The following RITA1 variants were observed in gnomAD, a reference collection of about 807,000 sequenced individuals.
The protein encoded by RITA1 is RBPJ-interacting and tubulin-associated protein 1.
In RITA1, 15 loss-of-function variants were observed where a neutral mutation model predicts 8.7. The observed-to-expected ratio is 1.72, with a 90% CI of 1.15 to 2.65. The LOEUF (loss-of-function observed/expected upper bound fraction) is 2.65, where lower values mean the gene tolerates loss of function less well. Ranked by LOEUF, RITA1 falls within the 30% of genes most tolerant of loss-of-function variation. RITA1 has a pLI of 0.00. For missense variants in RITA1, 330 were observed against 363.8 expected (o/e 0.91, Z 0.76); for synonymous variants, 145 against 156.2 (o/e 0.93, Z 0.53).
rs143269921 is a variant in RITA1 at position 113,186,791 on chromosome 12, C to T, written c.45C>T (p.Leu15=). The T allele has an allele frequency of 3.7e-5, 60 of 1,613,584 alleles. No homozygotes were observed. The highest frequency in any genetic ancestry group is 1.6e-4 in the East Asian group (7 of 44,894). Reference sequence around the variant, plus strand: ...TGGCCGTCAGTGGGATGCAGACCCTCGGCCTTCAGCACCGCTGCCGAGGTG... The same window carrying T: ...TGGCCGTCAGTGGGATGCAGACCCTTGGCCTTCAGCACCGCTGCCGAGGTG... ...VELAVSGMQT[L]GLQHRCRGGY... Residue 15 remains leucine (L), a synonymous_variant, in exon 3 of 4, where the codon CTC becomes CTT. Transcript: ENST00000548278.
intron 3 of RITA1, among the ~76,000 whole-genome samples, chr12:113,190,773 CAG>C (rs772219324): frequency 6.6e-6 from 1 of 152,348 alleles, no homozygotes; most frequent in South Asian, 2.1e-4. Flanking sequence ...GCTCCTGTAA[CAG>C]GGGCTCAAAC....
At chr12:113,189,732 T>TAAAAA (rs34117781) in intron 3 of RITA1, among the ~76,000 whole-genome samples, 1 of 76,894 alleles carries the variant, frequency 1.3e-5, no homozygotes, top group African/African-American at 5.0e-5. Context: ...ATCTGTTGAA[T>TAAAAA]AAAAAAAAAA....
intron 3 of RITA1, among the ~76,000 whole-genome samples, chr12:113,190,019 C>A (rs1952583063): frequency 6.9e-6 from 1 of 144,960 alleles, no homozygotes; most frequent in Admixed American, 7.0e-5. Flanking sequence ...CAGAGTGAGA[C>A]CCTGTCTCTT....
Position 113,191,586 on chromosome 12 carries a change from C to T in RITA1, c.579C>T (p.Pro193=), listed in dbSNP as rs1401282429. ...LSMGGLHSSR[P]LKRGLSHSLT... is the part of the protein sequence containing the mutation. ...TGGGTGGGTTACACTCTTCACGCCC[C>T]CTGAAGCGGGGACTTTCCCATTCCC... is the stretch of plus-strand genomic sequence containing the variant. Residue 193 remains proline (P), a synonymous_variant, in exon 4 of 4, where the codon CCC becomes CCT. Coordinates refer to ENST00000548278, the MANE Select transcript of RITA1 (RefSeq NM_032848.3). The surrounding 1 kb of genome is among the most constrained non-coding windows in gnomAD (Gnocchi z 4.0). 6.2e-7 allele frequency: 1 copy of T among 1,614,116 alleles called. No homozygotes were observed.
chr12:113,188,786 C>CTTTTTTT (rs1566105385), intron 3 of RITA1, among the ~76,000 whole-genome samples: 1 of 64,258 alleles, frequency 1.6e-5, no homozygotes. Context: ...GCCTTAGTTA[C>CTTTTTTT]CTTTTTTTTT....
intron 3 of RITA1, among the ~76,000 whole-genome samples, chr12:113,189,188 A>T (rs866147639): frequency 6.6e-6 from 1 of 152,126 alleles, no homozygotes; most frequent in African/African-American, 2.4e-5. Flanking sequence ...CAACATATGA[A>T]TTTGGGTGGG....
intron 3 of RITA1, chr12:113,187,277 C>T: frequency 2.1e-6 from 1 of 474,436 alleles, no homozygotes; most frequent in South Asian, 4.4e-5. Context: ...ACTTAGAAAG[C>T]TGTCAATAAA....
chr12:113,187,187 G>A, intron 3 of RITA1, 139 bp downstream of exon 3: 1 of 879,098 alleles, frequency 1.1e-6, no homozygotes, highest in East Asian at 2.7e-5. Flanking sequence ...TGGAAAATAG[G>A]ACCAATTATT....
At chr12:113,190,343 GAAAA>G (rs1952587599) in intron 3 of RITA1, among the ~76,000 whole-genome samples, 2 of 150,622 alleles carry the variant, frequency 1.3e-5, no homozygotes, top group South Asian at 4.2e-4. Context: ...GAAAAAAAAA[GAAAA>G]AGAAAGAAAG....
chr12:113,189,996 C>G (rs1952582644), intron 3 of RITA1, among the ~76,000 whole-genome samples: 1 of 149,890 alleles, frequency 6.7e-6, no homozygotes, highest in African/African-American at 2.5e-5. Context: ...TCACTGCACT[C>G]CAGCCTGGGT....
intron 2 of RITA1, 66 bp downstream of exon 2, chr12:113,186,382 T>A: frequency 7.3e-7 from 1 of 1,364,688 alleles, no homozygotes; most frequent in South Asian, 1.8e-5. Context: ...GGAAAGTGCC[T>A]GTCTCCCCTA....
rs1252007586 is a variant in RITA1 at position 113,191,860 on chromosome 12, A to G, written c.*43A>G. ...TGCCTATGGGGCCACGGCGACAGGT[A>G]TGGCCCCTTGCCAGGGTAGGAGGAC... On this transcript the variant is annotated 3_prime_UTR_variant, in exon 4 of 4. Coordinates refer to ENST00000548278, the MANE Select transcript of RITA1 (RefSeq NM_032848.3). The surrounding 1 kb of genome is among the most constrained non-coding windows in gnomAD (Gnocchi z 4.0). 6.5e-7 allele frequency: 1 copy of G among 1,541,710 alleles called. No individual in the cohort carries two copies. Among genetic ancestry groups the G allele is most frequent in the East Asian group, 2.3e-5 (1 of 44,256 alleles).
At position 113,186,859 on chromosome 12, in the gene RITA1, T is replaced by A. The variant is rs765815012; in HGVS notation, c.113T>A (p.Leu38Gln). ...KARTSYVDET[L>Q]FGSPAGTRPT... ...AGGACGTCATATGTGGATGAGACTC[T>A]GTTTGGCAGCCCAGCAGGCACCCGG... is the stretch of plus-strand genomic sequence containing the variant. Residue 38 changes from leucine to glutamine, a missense_variant, in exon 3 of 4, where the codon CTG (leucine) becomes CAG (glutamine). Leu to Gln is a moderately radical substitution (Grantham distance 113). Transcript: ENST00000548278. The A allele has an allele frequency of 6.8e-6, 11 of 1,614,062 alleles. No homozygotes were observed. Among genetic ancestry groups the A allele is most frequent in the Non-Finnish European group, 9.3e-6 (11 of 1,180,020 alleles).
intron 3 of RITA1, 67 bp downstream of exon 3, chr12:113,187,115 G>A: frequency 6.9e-7 from 1 of 1,442,274 alleles, no homozygotes; most frequent in Non-Finnish European, 9.2e-7. Context: ...TACAGCTCTG[G>A]TGTTCACCTG....
chr12:113,191,417 T>C lies in RITA1; in HGVS notation c.410T>C (p.Leu137Pro), dbSNP rs769480845. The part of the protein sequence containing the change: ...PRMAKGDAAK[L>P]RALLWTPPPT... The stretch of plus-strand genomic sequence containing the variant: ...ATGGCGAAGGGGGATGCCGCAAAGC[T>C]CCGTGCTCTCTTGTGGACGCCACCA... Residue 137 changes from leucine to proline, a missense_variant, in exon 4 of 4, where the codon CTC becomes CCC. Coordinates refer to ENST00000548278, the MANE Select transcript of RITA1 (RefSeq NM_032848.3). The surrounding 1 kb of genome is among the most constrained non-coding windows in gnomAD (Gnocchi z 4.0). 6.2e-7 allele frequency: 1 copy of C among 1,609,930 alleles called. No homozygotes were observed. The highest frequency in any genetic ancestry group is 8.5e-7 in the Non-Finnish European group (1 of 1,177,272).
rs1023267565 is a variant in RITA1 at position 113,187,288 on chromosome 12, T to C, written c.302+240T>C. Reference sequence around the variant, plus strand: ...TAATACTTAGAAAGCTGTCAATAAATGGTAGTGTTGATGGTTGTGATGGTG... The same window carrying C: ...TAATACTTAGAAAGCTGTCAATAAACGGTAGTGTTGATGGTTGTGATGGTG... On this transcript the variant is annotated intron_variant, in intron 3 of 3. Coordinates refer to ENST00000548278, the MANE Select transcript of RITA1 (RefSeq NM_032848.3). 1.3e-5 allele frequency: 6 copies of C among 455,628 alleles called. No individual in the cohort carries two copies. The Admixed American group carries it at 2.3e-4, about 18-fold the overall frequency. 28.2% of individuals were successfully genotyped at this position (455,628 alleles called of 1,614,324 possible). A position where few individuals can be genotyped will look rare whatever the true frequency, so the allele number is the denominator to read the frequency against.
chr12:113,187,422 C>G (rs552496386), intron 3 of RITA1: 1 of 182,172 alleles, frequency 5.5e-6, no homozygotes, highest in East Asian at 1.4e-4. Context: ...TTAATGTGTT[C>G]GATCCTTGAA....
chr12:113,186,111 C>A, intron 1 of RITA1, 74 bp from the exon 2 acceptor site: 1 of 1,511,660 alleles, frequency 6.6e-7, no homozygotes, highest in Non-Finnish European at 8.9e-7. Flanking sequence ...GCGGTGGGGG[C>A]GGCGGTGATC....
At position 113,191,719 on chromosome 12, in the gene RITA1, C is replaced by G. The variant is rs1226226258; in HGVS notation, c.712C>G (p.Pro238Ala). 1.2e-6 allele frequency: 2 copies of G among 1,613,972 alleles called. No individual in the cohort carries two copies. The highest frequency in any genetic ancestry group is 1.7e-5 in the Admixed American group (1 of 59,992). Residue 238 changes from proline (P) to alanine (A), a missense_variant, in exon 4 of 4, where the codon CCC becomes GCC. Coordinates refer to ENST00000548278, the MANE Select transcript of RITA1 (RefSeq NM_032848.3). This position sits in a 1 kb window ranked among gnomAD's most constrained non-coding sequence, Gnocchi z 4.0. ...CACGTCAGGGGTGACCTTCCGGAGC[C>G]CCCTGGTGACTTCCAGGGCTCGCTC... ...PSTSGVTFRSPLVTSRARSVS... is the reference protein window; with the variant it reads ...PSTSGVTFRSALVTSRARSVS...
Sources: allele counts gnomAD v4.1 joint callset (sites outside exome capture counted in the v4.1 genomes callset), GRCh38; gene constraint gnomAD v4.1.1; non-coding constraint Gnocchi (gnomAD v3.1); transcripts MANE v1.5; gene names NCBI Gene and HGNC (gene_info 2026-07-23, HGNC 2026-07-21).